Variants in TMEM164 observed in about 807,000 individuals in gnomAD.
TMEM164 encodes the protein transmembrane protein 164.
TMEM164 carries 4 observed loss-of-function variants against 18.8 expected under a neutral mutation model. The ratio of observed to expected loss-of-function variants is 0.21; its 90% CI spans 0.10 to 0.49. The LOEUF (loss-of-function observed/expected upper bound fraction) is 0.49. Ranked by LOEUF, TMEM164 falls within the 20% of genes least tolerant of loss-of-function variation. The probability of loss-of-function intolerance (pLI) is 0.98; values close to 1 mark genes in which losing one functional copy is unlikely to be tolerated. For synonymous variants in TMEM164, 86 were observed against 101.7 expected (o/e 0.85, Z 0.93); for missense variants, 108 against 239.9 (o/e 0.45, Z 3.63).
downstream of TMEM164, chrX:110,177,846 A>G (rs1344099115): frequency 8.9e-6 from 1 of 111,997 alleles, no homozygotes; most frequent in African/African-American, 3.3e-5. Flanking sequence ...TGCTTTGAAA[A>G]ATAGACAAAA....
rs752932235 is a variant in TMEM164, at chrX:110,152,141, C to T, written c.586+7265C>T. Among the ~76,000 whole-genome samples, 190 of 105,813 alleles carry T rather than the reference C, an allele frequency of 1.8e-3. 1 individual carries two copies. Among genetic ancestry groups the T allele is most frequent in the Non-Finnish European group, 2.6e-3 (132 of 51,481 alleles). The allele number at this position is 105,813 out of a possible 115,157, so 91.9% of individuals were successfully genotyped here. A position where few individuals can be genotyped will look rare whatever the true frequency, so the allele number is the denominator to read the frequency against. On this transcript the variant is annotated intron_variant, in intron 5 of 6. Coordinates refer to ENST00000372068, the MANE Select transcript of TMEM164 (RefSeq NM_032227.4). ...CGTGATCTCAGCTCACTGCAGCCTC[C>T]GCCTCCCGGGTTCAAGCGATTCTCC...
intron 2 of TMEM164, among the ~76,000 whole-genome samples, chrX:110,038,126 G>A (rs1354132392): frequency 1.9e-5 from 2 of 106,755 alleles, no homozygotes; most frequent in African/African-American, 6.9e-5. Flanking sequence ...AAGTAGCTGG[G>A]ACTACAGGCG....
chrX:110,150,877 G>T (rs925416889), intron 5 of TMEM164, among the ~76,000 whole-genome samples: 3 of 111,211 alleles, frequency 2.7e-5, no homozygotes, highest in Non-Finnish European at 5.7e-5. Context: ...AATAAAAATG[G>T]CAGAGCTTTG....
intron 3 of TMEM164, among the ~76,000 whole-genome samples, chrX:110,097,730 A>G (rs904348587): frequency 8.9e-6 from 1 of 111,943 alleles, no homozygotes; most frequent in Non-Finnish European, 1.9e-5. Context: ...GCTGTATGGT[A>G]GGTGCAGAGG....
At chrX:110,049,885 T>C (rs937267303) in intron 2 of TMEM164, among the ~76,000 whole-genome samples, 2 of 111,118 alleles carry the variant, frequency 1.8e-5, no homozygotes, top group African/African-American at 6.6e-5. Flanking sequence ...GAGTCCCACA[T>C]CAGGATGGCT....
intron 5 of TMEM164, 60 bp downstream of exon 5, chrX:110,144,936 T>C: frequency 1.0e-6 from 1 of 960,648 alleles, no homozygotes; most frequent in Non-Finnish European, 1.5e-6. Flanking sequence ...CCTTCTGTTT[T>C]TGGGAGTCAC....
chrX:110,091,826 G>T (rs1452634857), intron 3 of TMEM164, among the ~76,000 whole-genome samples: 29 of 112,178 alleles, frequency 2.6e-4, no homozygotes, highest in Non-Finnish European at 4.1e-4. Context: ...TTCTTCTAGG[G>T]TTTTTATGGT....
intron 4 of TMEM164, among the ~76,000 whole-genome samples, chrX:110,116,538 A>G (rs1327112517): frequency 8.9e-6 from 1 of 112,212 alleles, no homozygotes; most frequent in Non-Finnish European, 1.9e-5. Flanking sequence ...GATTCTGAAG[A>G]GCAGGGTGGG....
chrX:110,100,200 G>C (rs2066088084), intron 3 of TMEM164, among the ~76,000 whole-genome samples: 1 of 110,251 alleles, frequency 9.1e-6, no homozygotes, highest in Non-Finnish European at 1.9e-5. Flanking sequence ...CCTCGCTAAA[G>C]TTGCCAGTCT....
At chrX:110,071,200 C>T (rs1443780840) in intron 3 of TMEM164, among the ~76,000 whole-genome samples, 1 of 107,618 alleles carries the variant, frequency 9.3e-6, no homozygotes, top group African/African-American at 3.4e-5. Flanking sequence ...GACAGTGTCT[C>T]ACTTTGTTGC....
In TMEM164 at chrX:110,003,552, C is replaced by T. The variant is rs1932478395; in HGVS notation, c.-223C>T. 1 of 363,212 alleles carries T rather than the reference C, an allele frequency of 2.8e-6. No individual in the cohort carries two copies. The allele number at this position is 363,212 out of a possible 1,213,427, so 29.9% of individuals were successfully genotyped here. A position where few individuals can be genotyped will look rare whatever the true frequency, so the allele number is the denominator to read the frequency against. ...GCCTCGTTGGTGGCCACTGGAGAAG[C>T]GCGGGGGGCTCCCCCAGACAGCCGT... On this transcript the variant is annotated 5_prime_UTR_variant, in exon 2 of 7. Coordinates refer to ENST00000372068, the MANE Select transcript of TMEM164 (RefSeq NM_032227.4).
chrX:110,064,952 G>C (rs1936266499), intron 2 of TMEM164: 1 of 95,086 alleles, frequency 1.1e-5, no homozygotes, highest in African/African-American at 4.1e-5. Flanking sequence ...AGCTATGATT[G>C]CACCACTGCA....
At chrX:110,116,881 G>A (rs2066376063) in intron 4 of TMEM164, among the ~76,000 whole-genome samples, 1 of 104,607 alleles carries the variant, frequency 9.6e-6, no homozygotes, top group South Asian at 4.2e-4. Context: ...TGTGTGGTGT[G>A]TGTGTGTGTG....
chrX:110,084,411 G>T (rs61267139), intron 3 of TMEM164, among the ~76,000 whole-genome samples: 1 of 372 alleles, frequency 2.7e-3, no homozygotes, highest in African/African-American at 5.9e-3. Flanking sequence ...TATATATATA[G>T]TGTATATATA....
At chrX:110,006,138 A>T (rs976064403) in intron 2 of TMEM164, among the ~76,000 whole-genome samples, 1 of 111,632 alleles carries the variant, frequency 9.0e-6, no homozygotes, top group African/African-American at 3.3e-5. Context: ...TTGACAGTCT[A>T]TGTGATTCTT....
At chrX:110,138,726 C>T (rs752025105) in intron 4 of TMEM164, among the ~76,000 whole-genome samples, 68 of 111,841 alleles carry the variant, frequency 6.1e-4, no homozygotes, top group Non-Finnish European at 8.8e-4. Context: ...GAAAATAGAC[C>T]AGGACTAGTA....
intron 2 of TMEM164, among the ~76,000 whole-genome samples, chrX:110,043,120 T>C (rs1033321088): frequency 3.2e-4 from 36 of 112,564 alleles, no homozygotes; most frequent in South Asian, 7.2e-4. Flanking sequence ...CACAATCAAC[T>C]CTTTCTAGCC....
intron 2 of TMEM164, among the ~76,000 whole-genome samples, chrX:110,021,030 A>T (rs1007522237): frequency 1.9e-5 from 2 of 104,989 alleles, no homozygotes; most frequent in African/African-American, 3.5e-5. Flanking sequence ...CATGTTTATG[A>T]GCACATTTTA....
intron 2 of TMEM164, among the ~76,000 whole-genome samples, chrX:110,066,742 T>C: frequency 8.9e-6 from 1 of 111,796 alleles, no homozygotes; most frequent in Non-Finnish European, 1.9e-5. Context: ...GTTCTTTTTG[T>C]TTGGTTTTAC....
Sources: gnomAD v4.1 joint callset for allele counts (sites outside exome capture counted in the v4.1 genomes callset) on GRCh38, gnomAD v4.1.1 for gene constraint, MANE v1.5 for transcripts, NCBI Gene and HGNC (gene_info 2026-07-23, HGNC 2026-07-21) for gene names.